The following TTLL5 variants were observed in gnomAD, a reference collection of about 807,000 sequenced individuals.
TTLL5 encodes tubulin tyrosine ligase like 5.
A neutral mutation model predicts 168.4 loss-of-function variants in TTLL5; 132 were observed. The ratio of observed to expected loss-of-function variants is 0.78; its 90% confidence interval spans 0.68 to 0.91. The LOEUF is 0.91. Ranked by LOEUF, TTLL5 falls within the 40% of genes least tolerant of loss-of-function variation. TTLL5 has a pLI of 0.00. For missense variants in TTLL5, 1,545 were observed against 1,581.5 expected (o/e 0.98, Z 0.39); for synonymous variants, 546 against 558.6 (o/e 0.98, Z 0.32).
chr14:75,877,139 A>G (rs1340938113), intron 29 of TTLL5, among the ~76,000 whole-genome samples: 1 of 152,228 alleles, frequency 6.6e-6, no homozygotes, highest in Non-Finnish European at 1.5e-5. Context: ...AATAGAGAGT[A>G]GCGTTTGCCT....
At chr14:75,720,560 A>G in intron 11 of TTLL5, 36 bp from the exon 12 acceptor site, 1 of 1,386,064 alleles carries the variant, frequency 7.2e-7, no homozygotes, top group Non-Finnish European at 1.0e-6. Context: ...ATGTATTTTG[A>G]TATTGAGTCT....
intron 27 of TTLL5, among the ~76,000 whole-genome samples, chr14:75,797,344 G>C (rs1893048983): frequency 6.6e-6 from 1 of 151,826 alleles, no homozygotes; most frequent in Non-Finnish European, 1.5e-5. Context: ...TGGTTTTCTA[G>C]GTATATGATC....
intron 26 of TTLL5, among the ~76,000 whole-genome samples, chr14:75,787,369 T>C (rs1892430776): frequency 6.6e-6 from 1 of 152,172 alleles, no homozygotes; most frequent in Non-Finnish European, 1.5e-5. Context: ...CATTAATATA[T>C]GCTGAAATAG....
At chr14:75,949,420 G>GTA (rs1045146654) in intron 31 of TTLL5, among the ~76,000 whole-genome samples, 6 of 135,420 alleles carry the variant, frequency 4.4e-5, no homozygotes, top group African/African-American at 1.1e-4. Flanking sequence ...GTTTTATAGA[G>GTA]TATATATATA....
chr14:75,683,346 C>T (rs566183676), intron 4 of TTLL5, among the ~76,000 whole-genome samples: 11 of 152,328 alleles, frequency 7.2e-5, no homozygotes, highest in African/African-American at 2.6e-4. Flanking sequence ...GTTTCTGCAT[C>T]GGGGATTTGC....
rs542611116 is a variant in TTLL5 at position 75,800,218 on chromosome 14, C to T, written c.3171+7118C>T. 1.3e-4 allele frequency among the ~76,000 whole-genome samples: 20 copies of T among 152,238 alleles called. No homozygotes were observed. In the East Asian group the frequency reaches 1.9e-3, roughly 15 times the overall value. On this transcript the variant is annotated intron_variant, in intron 27 of 31. Coordinates refer to ENST00000298832, the MANE Select transcript of TTLL5 (RefSeq NM_015072.5). ...TTGGGTTAATCAAAAGCCTTGTCTTCGAGCTCTGAAGTTCTTTCTTCTACT... is the reference window on the plus strand; with the variant it reads ...TTGGGTTAATCAAAAGCCTTGTCTTTGAGCTCTGAAGTTCTTTCTTCTACT...
intron 6 of TTLL5, among the ~76,000 whole-genome samples, chr14:75,698,956 A>T (rs958360549): frequency 6.6e-6 from 1 of 151,764 alleles, no homozygotes; most frequent in Non-Finnish European, 1.5e-5. Flanking sequence ...AGAAATTACT[A>T]TGGGAGTGAT....
intron 28 of TTLL5, among the ~76,000 whole-genome samples, chr14:75,842,979 G>A (rs1896339189): frequency 6.6e-6 from 1 of 152,178 alleles, no homozygotes; most frequent in African/African-American, 2.4e-5. Flanking sequence ...AAGAAGAAAG[G>A]TGGAGGCAAG....
chr14:75,697,308 TATAAC>T (rs1885940248), intron 6 of TTLL5, among the ~76,000 whole-genome samples: 1 of 152,236 alleles, frequency 6.6e-6, no homozygotes, highest in African/African-American at 2.4e-5. Context: ...ATTTTGCTGT[TATAAC>T]ACAGCATTGA....
chr14:75,719,915 G>A (rs1454209616), intron 11 of TTLL5, 89 bp downstream of exon 11: 2 of 1,366,982 alleles, frequency 1.5e-6, no homozygotes, highest in Non-Finnish European at 2.1e-6. Flanking sequence ...CTGTTGCTTT[G>A]ATAGTGTTGC....
At chr14:75,947,593 G>A (rs918167378) in intron 31 of TTLL5, among the ~76,000 whole-genome samples, 1 of 152,158 alleles carries the variant, frequency 6.6e-6, no homozygotes, top group Admixed American at 6.5e-5. Flanking sequence ...AGGTTTTAAT[G>A]TAACTCAGTA....
intron 20 of TTLL5, among the ~76,000 whole-genome samples, chr14:75,771,112 C>T (rs1389939740): frequency 6.6e-6 from 1 of 152,036 alleles, no homozygotes; most frequent in African/African-American, 2.4e-5. Context: ...GTCTGTTCCC[C>T]CAAGAAAGTT....
chr14:75,852,727 A>C lies in TTLL5; in HGVS notation c.3327-10940A>C, dbSNP rs148626821. Reference sequence around the variant, plus strand: ...TCACTTAAAAATCTTGTTCTAACACATAAATTCTCTAAGAATCAAAGCACT... The same window carrying C: ...TCACTTAAAAATCTTGTTCTAACACCTAAATTCTCTAAGAATCAAAGCACT... On this transcript the variant is annotated intron_variant, in intron 28 of 31. Transcript: ENST00000298832. Among the ~76,000 whole-genome samples, 428 of 152,374 alleles carry C rather than the reference A, an allele frequency of 2.8e-3. 2 individuals are homozygous for C. The highest frequency in any genetic ancestry group is 9.7e-3 in the African/African-American group (403 of 41,594).
chr14:75,776,305 T>G (rs1320294554), intron 22 of TTLL5, among the ~76,000 whole-genome samples: 2 of 152,168 alleles, frequency 1.3e-5, no homozygotes, highest in African/African-American at 4.8e-5. Context: ...AGAATTTTGT[T>G]ATGTCTTATA....
intron 28 of TTLL5, among the ~76,000 whole-genome samples, chr14:75,839,747 A>G (rs896293435): frequency 6.6e-5 from 10 of 152,204 alleles, no homozygotes; most frequent in Non-Finnish European, 1.2e-4. Context: ...GAGGGGCACA[A>G]CCAAATCATA....
chr14:75,732,259 T>G (rs2140233311), intron 12 of TTLL5, 79 bp from the exon 13 acceptor site: 379 of 1,256,624 alleles, frequency 3.0e-4, no homozygotes, highest in Non-Finnish European at 3.9e-4. Flanking sequence ...TGGGAGTTAA[T>G]GAGATTGAGT....
intron 3 of TTLL5, among the ~76,000 whole-genome samples, chr14:75,676,768 CTTTTTTT>C (rs779894993): frequency 7.2e-6 from 1 of 138,466 alleles, no homozygotes. Context: ...TAGCATTTTA[CTTTTTTT>C]TTTTTTTTTT....
intron 17 of TTLL5, among the ~76,000 whole-genome samples, chr14:75,746,820 T>C (rs1261816809): frequency 6.6e-6 from 1 of 152,160 alleles, no homozygotes; most frequent in African/African-American, 2.4e-5. Context: ...TGCCTTGGCC[T>C]CCCAAAGTGC....
intron 31 of TTLL5, among the ~76,000 whole-genome samples, chr14:75,929,420 C>T (rs1336739695): frequency 6.7e-6 from 1 of 148,398 alleles, no homozygotes; most frequent in Non-Finnish European, 1.5e-5. Context: ...ATATTAAAGA[C>T]TCTGAAAAGT....
Sources: gnomAD v4.1 joint callset for allele counts (sites outside exome capture counted in the v4.1 genomes callset) on GRCh38, gnomAD v4.1.1 for gene constraint, MANE v1.5 for transcripts, NCBI Gene and HGNC (gene_info 2026-07-23, HGNC 2026-07-21) for gene names.